Variants in PLXNA4 observed in about 807,000 individuals in gnomAD.
PLXNA4 encodes plexin-A4.
In PLXNA4, 44 loss-of-function variants were observed where a neutral mutation model predicts 191.8. The observed-to-expected ratio is 0.23, with a 90% CI of 0.18 to 0.29. The LOEUF (loss-of-function observed/expected upper bound fraction) is 0.29, where lower values mean the gene tolerates loss of function less well. Ranked by LOEUF, PLXNA4 falls within the 10% of genes least tolerant of loss-of-function variation. PLXNA4 has a pLI of 1.00. For synonymous variants in PLXNA4, 1,082 were observed against 1,009.5 expected (o/e 1.07, Z -1.36); for missense variants, 1,800 against 2,488.8 (o/e 0.72, Z 5.89).
chr7:132,187,668 A>G, intron 14 of PLXNA4, 61 bp from the exon 15 acceptor site: 2 of 1,526,164 alleles, frequency 1.3e-6, no homozygotes, highest in Non-Finnish European at 1.8e-6. Context: ...GCTTCTGGGC[A>G]GGCGTGAGGC....
intron 3 of PLXNA4, among the ~76,000 whole-genome samples, chr7:132,326,122 A>G (rs1802347885): frequency 6.6e-6 from 1 of 152,130 alleles, no homozygotes; most frequent in African/African-American, 2.4e-5. Flanking sequence ...CTACCAATCT[A>G]CTGAGGGCCC....
At chr7:132,257,238 G>C (rs935685341) in intron 4 of PLXNA4, among the ~76,000 whole-genome samples, 3 of 152,190 alleles carry the variant, frequency 2.0e-5, no homozygotes, top group Middle Eastern at 3.2e-3. Context: ...TGGTTGCAGA[G>C]GCAAGTTGTC....
In PLXNA4 at chr7:132,132,935, C is replaced by T; in HGVS notation, c.5589+114G>A. On this transcript the variant is annotated intron_variant, in intron 31 of 31. Transcript: ENST00000321063. ...GCCCCAGGTCCTCAGTGGTGGTTCCCCCAGCAGAGGTGGATGTGTCTGTGG... is the reference window on the plus strand; with the variant it reads ...GCCCCAGGTCCTCAGTGGTGGTTCCTCCAGCAGAGGTGGATGTGTCTGTGG... 2.1e-6 allele frequency: 3 copies of T among 1,459,764 alleles called. No individual in the cohort carries two copies. The Admixed American group carries it at 6.9e-5, about 33-fold the overall frequency. 90.4% of individuals were successfully genotyped at this position (1,459,764 alleles called of 1,614,324 possible). A position where few individuals can be genotyped will look rare whatever the true frequency, so the allele number is the denominator to read the frequency against.
chr7:132,451,803 G>A (rs1337185220), intron 3 of PLXNA4, among the ~76,000 whole-genome samples: 4 of 152,244 alleles, frequency 2.6e-5, no homozygotes, highest in Non-Finnish European at 4.4e-5. Context: ...AGTGGCCCAG[G>A]AGTGATTGGC....
At chr7:132,634,256 A>C (rs1309262725) in intron 2 of PLXNA4, among the ~76,000 whole-genome samples, 2 of 152,150 alleles carry the variant, frequency 1.3e-5, no homozygotes, top group Non-Finnish European at 1.5e-5. Flanking sequence ...TGAAAATGCT[A>C]TGTAAACTGC....
At chr7:132,392,093 A>T (rs1793518736) in intron 3 of PLXNA4, among the ~76,000 whole-genome samples, 1 of 151,676 alleles carries the variant, frequency 6.6e-6, no homozygotes, top group South Asian at 2.1e-4. Context: ...ACACCATTGC[A>T]CTCCAGCCTG....
chr7:132,539,093 C>T (rs982208023), intron 1 of PLXNA4, among the ~76,000 whole-genome samples: 4 of 152,186 alleles, frequency 2.6e-5, no homozygotes, highest in African/African-American at 9.7e-5. Context: ...TCTCTCCCTG[C>T]TACAAGGCCC....
At chr7:132,294,751 T>A (rs1359855805) in intron 4 of PLXNA4, among the ~76,000 whole-genome samples, 1 of 152,172 alleles carries the variant, frequency 6.6e-6, no homozygotes, top group Non-Finnish European at 1.5e-5. Context: ...TATGTTAAAA[T>A]GAGGCTGATA....
chr7:132,370,855 ACGTCCC>A (rs1804409051), intron 3 of PLXNA4, among the ~76,000 whole-genome samples: 1 of 152,154 alleles, frequency 6.6e-6, no homozygotes, highest in African/African-American at 2.4e-5. Flanking sequence ...TGGGCATACC[ACGTCCC>A]AGGAGTCGAC....
chr7:132,132,473 C>CTTTCTATTCTATTCTAT (rs1563048405), intron 31 of PLXNA4, among the ~76,000 whole-genome samples: 2 of 53,054 alleles, frequency 3.8e-5, no homozygotes, highest in Admixed American at 2.3e-4. Flanking sequence ...TTCTGCTCTG[C>CTTTCTATTCTATTCTAT]TCTGCTCTGC....
chr7:132,506,320 C>CT (rs1353650247), intron 2 of PLXNA4, among the ~76,000 whole-genome samples: 2 of 152,126 alleles, frequency 1.3e-5, no homozygotes, highest in East Asian at 3.9e-4. Context: ...GAAATTTACA[C>CT]TTTTTTAAAC....
chr7:132,615,927 A>C (rs1585407122), intron 2 of PLXNA4, among the ~76,000 whole-genome samples: 17 of 83,780 alleles, frequency 2.0e-4, no homozygotes, highest in Non-Finnish European at 2.9e-4. Context: ...CAGATAAAGG[A>C]TCTCTCTCTC....
intron 2 of PLXNA4, among the ~76,000 whole-genome samples, chr7:132,490,166 T>C (rs1359977989): frequency 6.6e-6 from 1 of 152,138 alleles, no homozygotes; most frequent in East Asian, 1.9e-4. Context: ...TTTTAGAGCA[T>C]TGTGAAGAAG....
At chr7:132,279,638 G>A (rs957431210) in intron 4 of PLXNA4, among the ~76,000 whole-genome samples, 3 of 151,680 alleles carry the variant, frequency 2.0e-5, no homozygotes, top group East Asian at 1.9e-4. Flanking sequence ...CTGTCTCAGC[G>A]AAGAAAAAAA....
At chr7:132,393,880 G>C (rs1793628647) in intron 3 of PLXNA4, among the ~76,000 whole-genome samples, 1 of 152,304 alleles carries the variant, frequency 6.6e-6, no homozygotes, top group African/African-American at 2.4e-5. Flanking sequence ...CAGAAGCGGG[G>C]CTGTGTAACA....
chr7:132,640,584 T>A (rs1328681589), intron 2 of PLXNA4, among the ~76,000 whole-genome samples: 1 of 152,208 alleles, frequency 6.6e-6, no homozygotes, highest in Non-Finnish European at 1.5e-5. Flanking sequence ...AAGAGAGCTG[T>A]CACCAGAAAC....
chr7:132,412,260 C>A (rs1794487826), intron 3 of PLXNA4, among the ~76,000 whole-genome samples: 1 of 152,166 alleles, frequency 6.6e-6, no homozygotes, highest in Admixed American at 6.5e-5. Context: ...GGCATATCTC[C>A]CCCTCCAGAC....
intron 1 of PLXNA4, among the ~76,000 whole-genome samples, chr7:132,522,464 C>T (rs1424694637): frequency 6.6e-6 from 1 of 152,222 alleles, no homozygotes; most frequent in African/African-American, 2.4e-5. Context: ...TGATCCAATA[C>T]TTTCCTAATA....
chr7:132,528,597 G>A (rs1431913625), intron 1 of PLXNA4, among the ~76,000 whole-genome samples: 1 of 152,200 alleles, frequency 6.6e-6, no homozygotes, highest in Non-Finnish European at 1.5e-5. Context: ...CCTGCCAGGG[G>A]CTTCAGGAAT....
Sources: gnomAD v4.1 joint callset for allele counts (sites outside exome capture counted in the v4.1 genomes callset) on GRCh38, gnomAD v4.1.1 for gene constraint, MANE v1.5 for transcripts, NCBI Gene and HGNC (gene_info 2026-07-23, HGNC 2026-07-21) for gene names.